PLXNA2: variants seen among roughly 807,000 people sequenced by gnomAD.
PLXNA2 encodes the protein plexin-A2.
In PLXNA2, 91 loss-of-function variants were observed where a neutral mutation model predicts 193.5. That is an observed-to-expected ratio of 0.47 (90% CI 0.40 to 0.56). PLXNA2 has a LOEUF of 0.56. Among genes scored for constraint, PLXNA2 ranks in the 20% least tolerant of loss-of-function variants. The pLI is 0.00. For missense variants in PLXNA2, 1,995 were observed against 2,503.2 expected (o/e 0.80, Z 4.33); for synonymous variants, 997 against 1,027.3 (o/e 0.97, Z 0.56).
At position 208,217,054 on chromosome 1, in the gene PLXNA2, A is replaced by C; in HGVS notation, c.869T>G (p.Phe290Cys). Reference sequence around the variant, plus strand: ...GAAGGGCAGGGACACGTATGAGTGGAACTTGGGGTCATCCTTGCAGAGCCG... The same window carrying C: ...GAAGGGCAGGGACACGTATGAGTGGCACTTGGGGTCATCCTTGCAGAGCCG... ...IVRLCKDDPK[F>C]HSYVSLPFGC... The change falls in exon 2 of 32, where the codon TTC becomes TGC. Residue 290 changes from phenylalanine to cysteine, a missense_variant. Phe to Cys is a radical substitution (Grantham distance 205). Around this residue, in one of 3 missense-constraint regions of PLXNA2, gnomAD observed 702 missense variants for 812.9 expected, o/e 0.86. Coordinates refer to ENST00000367033, the MANE Select transcript of PLXNA2 (RefSeq NM_025179.4). The surrounding 1 kb of genome is among the most constrained non-coding windows in gnomAD (Gnocchi z 4.7). 6.2e-7 allele frequency: 1 copy of C among 1,613,390 alleles called. No homozygotes were observed. The highest frequency in any genetic ancestry group is 8.5e-7 in the Non-Finnish European group (1 of 1,179,470).
At chr1:208,168,077 T>C (rs1669365214) in intron 3 of PLXNA2, among the ~76,000 whole-genome samples, 1 of 152,228 alleles carries the variant, frequency 6.6e-6, no homozygotes, top group Non-Finnish European at 1.5e-5. Context: ...TCATGGGCTG[T>C]GAAACCTTGG....
intron 10 of PLXNA2, among the ~76,000 whole-genome samples, chr1:208,083,170 C>T (rs575606047): frequency 6.6e-6 from 1 of 152,302 alleles, no homozygotes; most frequent in Non-Finnish European, 1.5e-5. Flanking sequence ...GGGAGAAGTG[C>T]CCACAGCTTT....
chr1:208,108,477 T>C (rs1036388500), intron 4 of PLXNA2, among the ~76,000 whole-genome samples: 11 of 152,132 alleles, frequency 7.2e-5, no homozygotes, highest in African/African-American at 2.4e-4. Flanking sequence ...ACAAGCGCCC[T>C]TTGCCAAGTG....
intron 24 of PLXNA2, 42 bp from the exon 25 acceptor site, chr1:208,039,026 G>A: frequency 6.3e-7 from 1 of 1,586,480 alleles, no homozygotes. Flanking sequence ...AGGAGTTGAA[G>A]GAGTAGTTTG....
intron 3 of PLXNA2, among the ~76,000 whole-genome samples, chr1:208,197,418 G>A (rs998702528): frequency 6.6e-6 from 1 of 152,258 alleles, no homozygotes; most frequent in Non-Finnish European, 1.5e-5. Flanking sequence ...ATTGCCGGAA[G>A]AGACCGGGTT....
At chr1:208,141,037 T>C (rs2102482089) in intron 4 of PLXNA2, among the ~76,000 whole-genome samples, 1 of 152,304 alleles carries the variant, frequency 6.6e-6, no homozygotes, top group Middle Eastern at 3.4e-3. Context: ...TGTCTACAGA[T>C]CCACAAAATT....
chr1:208,116,281 T>A (rs1029903920), intron 4 of PLXNA2, among the ~76,000 whole-genome samples: 14 of 152,254 alleles, frequency 9.2e-5, no homozygotes, highest in African/African-American at 3.4e-4. Context: ...TTTATACTCT[T>A]CTTAGGTAGG....
chr1:208,089,236 T>G (rs754347597), intron 9 of PLXNA2, among the ~76,000 whole-genome samples: 31 of 152,188 alleles, frequency 2.0e-4, no homozygotes, highest in Non-Finnish European at 4.1e-4. Flanking sequence ...TTTCTCCATC[T>G]GTGGAGATGG....
At position 208,217,959 on chromosome 1, in the gene PLXNA2, T is replaced by C. The variant is rs1671199085; in HGVS notation, c.-37A>G. ...CGGCGGTGAGGAGACGGCTCCTGTGTGTGCTCATCTGCTCCACCTTCCCCG... is the reference window on the plus strand; with the variant it reads ...CGGCGGTGAGGAGACGGCTCCTGTGCGTGCTCATCTGCTCCACCTTCCCCG... On this transcript the variant is annotated 5_prime_UTR_variant, in exon 2 of 32. Transcript: ENST00000367033. The surrounding 1 kb of genome is among the most constrained non-coding windows in gnomAD (Gnocchi z 4.7). The C allele has an allele frequency of 1.3e-6, 2 of 1,595,778 alleles. No homozygotes were observed. Among genetic ancestry groups the C allele is most frequent in the East Asian group, 4.5e-5 (2 of 44,672 alleles).
At chr1:208,057,899 C>G (rs1665487304) in intron 13 of PLXNA2, among the ~76,000 whole-genome samples, 1 of 152,160 alleles carries the variant, frequency 6.6e-6, no homozygotes, top group Admixed American at 6.5e-5. Context: ...AGAGGACCAC[C>G]AAAGCAAATG....
At chr1:208,080,281 GGCTATTTAAATA>G (rs924175862) in intron 11 of PLXNA2, among the ~76,000 whole-genome samples, 34 of 152,098 alleles carry the variant, frequency 2.2e-4, no homozygotes, top group African/African-American at 8.2e-4. Context: ...AGGGCAAACT[GGCTATTTAAATA>G]GTAACATTTG....
At chr1:208,136,707 G>A (rs1000571343) in intron 4 of PLXNA2, among the ~76,000 whole-genome samples, 4 of 152,190 alleles carry the variant, frequency 2.6e-5, no homozygotes, top group Non-Finnish European at 2.9e-5. Flanking sequence ...GCTGTCATTT[G>A]GCCAGGCCAG....
At chr1:208,164,165 G>A (rs1250351495) in intron 3 of PLXNA2, among the ~76,000 whole-genome samples, 1 of 152,210 alleles carries the variant, frequency 6.6e-6, no homozygotes, top group Non-Finnish European at 1.5e-5. Context: ...TTTGGTTAGG[G>A]GACACCTTTA....
intron 1 of PLXNA2, among the ~76,000 whole-genome samples, chr1:208,226,050 T>G (rs907291236): frequency 6.6e-6 from 1 of 152,126 alleles, no homozygotes; most frequent in Non-Finnish European, 1.5e-5. Flanking sequence ...ACACGAAAAT[T>G]TGCAGAGATA....
At chr1:208,046,842 GTA>G (rs1665086883) in intron 17 of PLXNA2, among the ~76,000 whole-genome samples, 1 of 149,104 alleles carries the variant, frequency 6.7e-6, no homozygotes, top group African/African-American at 2.5e-5. Flanking sequence ...GTGTGTGTGT[GTA>G]GAGTGTGGAG....
intron 3 of PLXNA2, among the ~76,000 whole-genome samples, chr1:208,202,895 T>TC (rs1252484682): frequency 1.3e-5 from 2 of 152,104 alleles, no homozygotes; most frequent in African/African-American, 4.8e-5. Flanking sequence ...ACAAGAATTG[T>TC]CCAAGATTGA....
At chr1:208,092,052 C>A (rs774106843) in intron 9 of PLXNA2, among the ~76,000 whole-genome samples, 1 of 152,050 alleles carries the variant, frequency 6.6e-6, no homozygotes, top group African/African-American at 2.4e-5. Context: ...GAAAAGCTTT[C>A]GACACAAGAA....
At chr1:208,145,450 C>T (rs914840363) in intron 3 of PLXNA2, among the ~76,000 whole-genome samples, 2 of 152,230 alleles carry the variant, frequency 1.3e-5, no homozygotes, top group African/African-American at 4.8e-5. Flanking sequence ...GAATAGTCCG[C>T]TGTTTTCATG....
chr1:208,198,756 G>A (rs1448648638), intron 3 of PLXNA2, among the ~76,000 whole-genome samples: 1 of 152,294 alleles, frequency 6.6e-6, no homozygotes, highest in South Asian at 2.1e-4. Context: ...TAGTCTACAC[G>A]TGGACATATG....
Sources: gnomAD v4.1 joint callset for allele counts (sites outside exome capture counted in the v4.1 genomes callset) on GRCh38, gnomAD v4.1.1 for gene constraint, gnomAD v4.1.1 regional missense constraint, Gnocchi (gnomAD v3.1) non-coding constraint, MANE v1.5 for transcripts, NCBI Gene and HGNC (gene_info 2026-07-23, HGNC 2026-07-21) for gene names.